The following UFSP2 variants were observed in gnomAD, a reference collection of about 807,000 sequenced individuals.
UFSP2 encodes ufm1-specific protease 2.
Under a neutral mutation model 60.2 loss-of-function variants are expected in UFSP2, and 43 were observed. The observed-to-expected ratio is 0.71, with a 90% CI of 0.56 to 0.92. UFSP2 has a LOEUF of 0.92. UFSP2 is among the 40% of genes least tolerant of loss of function. The pLI, the probability that UFSP2 is intolerant of heterozygous loss-of-function variation, is 0.00. For synonymous variants in UFSP2, 183 were observed against 195.1 expected (o/e 0.94, Z 0.52); for missense variants, 520 against 575.0 (o/e 0.90, Z 0.98).
rs976339233 is a variant in UFSP2, at chr4:185,399,868, T to C, written c.*524A>G. The C allele has an allele frequency of 7.7e-6, 12 of 1,559,868 alleles. No homozygotes were observed. The Middle Eastern group carries it at 5.1e-4, about 66-fold the overall frequency. ...CATTTAATACTGACACTCGTATTTCTAGTAGTATTGTTTCATTCTCATTAA... is the reference window on the plus strand; with the variant it reads ...CATTTAATACTGACACTCGTATTTCCAGTAGTATTGTTTCATTCTCATTAA... On this transcript the variant is annotated 3_prime_UTR_variant, in exon 12 of 12. Coordinates refer to ENST00000264689, the MANE Select transcript of UFSP2 (RefSeq NM_018359.5).
intron 7 of UFSP2, among the ~76,000 whole-genome samples, chr4:185,409,638 G>A (rs970308346): frequency 6.6e-6 from 1 of 152,166 alleles, no homozygotes; most frequent in Non-Finnish European, 1.5e-5. Context: ...CTGAAAAGTG[G>A]CTCCCAAAAG....
rs771618166 is a variant in UFSP2 at position 185,400,368 on chromosome 4, T to A, written c.*24A>T. ...TCACAAATTTATAATACCACTCTAC[T>A]GCAGTCTTTGACTCCAAGATATTTT... On this transcript the variant is annotated 3_prime_UTR_variant, in exon 12 of 12. Coordinates refer to ENST00000264689, the MANE Select transcript of UFSP2 (RefSeq NM_018359.5). The A allele has an allele frequency of 1.3e-6, 2 of 1,530,798 alleles. No individual in the cohort carries two copies. The highest frequency in any genetic ancestry group is 1.4e-5 in the African/African-American group (1 of 73,148). The allele number at this position is 1,530,798 out of a possible 1,614,324, so 94.8% of individuals were successfully genotyped here.
rs190949429 is a variant in UFSP2, at chr4:185,411,952, C to A, written c.831+1774G>T. On this transcript the variant is annotated intron_variant, in intron 7 of 11. Coordinates refer to ENST00000264689, the MANE Select transcript of UFSP2 (RefSeq NM_018359.5). The stretch of plus-strand genomic sequence containing the variant: ...TGCTGAGATTGATATGTAACATATA[C>A]GCTGAAACTACTTTTTAAAAAGGAA... Among the ~76,000 whole-genome samples the A allele has an allele frequency of 2.0e-5, 3 of 152,152 alleles. No homozygotes were observed. In the East Asian group the frequency reaches 5.8e-4, roughly 29 times the overall value.
intron 9 of UFSP2, among the ~76,000 whole-genome samples, chr4:185,406,751 T>G (rs902377916): frequency 6.6e-6 from 1 of 151,784 alleles, no homozygotes; most frequent in Non-Finnish European, 1.5e-5. Context: ...CATTTTTATA[T>G]TTTTAGTAGA....
intron 7 of UFSP2, 87 bp downstream of exon 7, chr4:185,413,639 G>A: frequency 9.6e-6 from 12 of 1,248,564 alleles, no homozygotes; most frequent in South Asian, 4.8e-5. Context: ...AATACATAAT[G>A]AATCAAGTCT....
Position 185,418,695 on chromosome 4 carries a change from A to C in UFSP2, c.158T>G (p.Phe53Cys). The change falls in exon 3 of 12, where the codon TTC becomes TGC. Residue 53 changes from phenylalanine to cysteine, a missense_variant. By Grantham distance (205) the Phe-to-Cys change is radical (BLOSUM62 -2). Coordinates refer to ENST00000264689, the MANE Select transcript of UFSP2 (RefSeq NM_018359.5). ...STKLSSNALV[F>C]RICHSSVYIW... is the part of the protein sequence containing the mutation. ...ATACACTGAACTGTGGCAAATTCTG[A>C]ACACAAGGGCGTTTGAAGACAGCTT... 6.2e-7 allele frequency: 1 copy of C among 1,614,028 alleles called. No individual in the cohort carries two copies. Among genetic ancestry groups the C allele is most frequent in the South Asian group, 1.1e-5 (1 of 91,046 alleles).
chr4:185,400,089 C>G lies in UFSP2; in HGVS notation c.*303G>C. ...CAAATCTATAAGCTCCTGCTTTTGG[C>G]TTTACCATATGTTGTGTCTAATCTC... On this transcript the variant is annotated 3_prime_UTR_variant, in exon 12 of 12. Transcript: ENST00000264689. 1.4e-6 allele frequency: 2 copies of G among 1,389,802 alleles called. No individual in the cohort carries two copies. The highest frequency in any genetic ancestry group is 2.0e-6 in the Non-Finnish European group (2 of 998,660). 86.1% of individuals were successfully genotyped at this position (1,389,802 alleles called of 1,614,324 possible). A position where few individuals can be genotyped will look rare whatever the true frequency, so the allele number is the denominator to read the frequency against.
chr4:185,407,955 A>G lies in UFSP2; in HGVS notation c.1102T>C (p.Ser368Pro). The change falls in exon 9 of 12, where the codon TCA becomes CCA. Residue 368 changes from serine (S) to proline (P), a missense_variant. Coordinates refer to ENST00000264689, the MANE Select transcript of UFSP2 (RefSeq NM_018359.5). ...LVLNQLIGITSKILFVSQGSE... is the reference protein window; with the variant it reads ...LVLNQLIGITPKILFVSQGSE... ...GCTTACCTGACAAACAGGATTTTTG[A>G]CGTTATACCGATCAATTGGTTTAGT... is the stretch of plus-strand genomic sequence containing the variant. 6.2e-7 allele frequency: 1 copy of G among 1,614,036 alleles called. No homozygotes were observed. Among genetic ancestry groups the G allele is most frequent in the Non-Finnish European group, 8.5e-7 (1 of 1,179,982 alleles).
At chr4:185,422,659 T>C in intron 1 of UFSP2, 96 bp from the exon 2 acceptor site, 1 of 793,086 alleles carries the variant, frequency 1.3e-6, no homozygotes, top group South Asian at 2.1e-5. Flanking sequence ...AAGACATTAA[T>C]TAACCTTGAT....
At position 185,400,283 on chromosome 4, in the gene UFSP2, T is replaced by TA. The variant is rs2095511753; in HGVS notation, c.*108dup. 1.1e-6 allele frequency: 1 copy of TA among 943,788 alleles called. No individual in the cohort carries two copies. The highest frequency in any genetic ancestry group is 1.6e-6 in the Non-Finnish European group (1 of 627,388). The allele number at this position is 943,788 out of a possible 1,614,324, so 58.5% of individuals were successfully genotyped here. A position where few individuals can be genotyped will look rare whatever the true frequency, so the allele number is the denominator to read the frequency against. On this transcript the variant is annotated 3_prime_UTR_variant, in exon 12 of 12. Transcript: ENST00000264689. ...TATTTACAACCTTTGAAAAAGGTCA[T>TA]AATTTAAATCGTCAAACTAGAACCA...
chr4:185,411,963 CT>C (rs2095530163), intron 7 of UFSP2, among the ~76,000 whole-genome samples: 1 of 152,084 alleles, frequency 6.6e-6, no homozygotes, highest in African/African-American at 2.4e-5. Flanking sequence ...GCTGAAACTA[CT>C]TTTTAAAAAG....
chr4:185,422,491 G>A lies in UFSP2; in HGVS notation c.76C>T (p.Pro26Ser), dbSNP rs2095551236. The A allele has an allele frequency of 6.2e-6, 10 of 1,609,070 alleles. No homozygotes were observed. Among genetic ancestry groups the A allele is most frequent in the Non-Finnish European group, 8.5e-6 (10 of 1,178,266 alleles). ...GLDLAFQLAT[P>S]NEIFLKKALK... ...AATTTTTCAGAAGACCTACCATTAG[G>A]AGTAGCTAGCTGAAAAGCCAAATCA... Residue 26 changes from proline (P) to serine (S), a missense_variant, in exon 2 of 12, where the codon CCT (proline) becomes TCT (serine). By Grantham distance (74) the Pro-to-Ser change is moderately conservative (BLOSUM62 -1). Coordinates refer to ENST00000264689, the MANE Select transcript of UFSP2 (RefSeq NM_018359.5).
Position 185,406,101 on chromosome 4 carries a change from G to C in UFSP2, c.1122-245C>G, listed in dbSNP as rs2126880275. 3 of 663,482 alleles carry C rather than the reference G, an allele frequency of 4.5e-6. No individual in the cohort carries two copies. In the South Asian group the frequency reaches 5.5e-5, roughly 12 times the overall value. 41.1% of individuals were successfully genotyped at this position (663,482 alleles called of 1,614,324 possible). A position where few individuals can be genotyped will look rare whatever the true frequency, so the allele number is the denominator to read the frequency against. On this transcript the variant is annotated intron_variant, in intron 9 of 11. Coordinates refer to ENST00000264689, the MANE Select transcript of UFSP2 (RefSeq NM_018359.5). ...AGACGCTAAAAGACCTTGATTTTCT[G>C]CTTCTTGAACTGTATAAAGGAGGCC... is the stretch of plus-strand genomic sequence containing the variant.
At chr4:185,405,633 T>G (rs960686552) in intron 10 of UFSP2, 147 bp downstream of exon 10, 4 of 799,094 alleles carry the variant, frequency 5.0e-6, no homozygotes, top group Non-Finnish European at 7.6e-6. Flanking sequence ...GAAATTTTTT[T>G]CAATATCCAG....
At position 185,403,562 on chromosome 4, in the gene UFSP2, G is replaced by T; in HGVS notation, c.1255C>A (p.Gln419Lys). The T allele has an allele frequency of 6.2e-7, 1 of 1,614,068 alleles. No individual in the cohort carries two copies. The highest frequency in any genetic ancestry group is 8.5e-7 in the Non-Finnish European group (1 of 1,180,002). Residue 419 changes from glutamine to lysine, a missense_variant, in exon 11 of 12, where the codon CAG becomes AAG. Physicochemically the swap from Gln to Lys is moderately conservative, Grantham distance 53. Transcript: ENST00000264689. ...GGATCTAGAATCAGAAACTTTATCT[G>T]CCCTGTAATCTCATTCCATGCAACT... ...LGVAWNEITG[Q>K]IKFLILDPHY...
At chr4:185,405,003 T>TC (rs1009758924) in intron 10 of UFSP2, among the ~76,000 whole-genome samples, 7 of 22,988 alleles carry the variant, frequency 3.0e-4, no homozygotes, top group Non-Finnish European at 1.2e-3. Context: ...CCTCCATTTC[T>TC]TTTTTTTTTT....
intron 7 of UFSP2, among the ~76,000 whole-genome samples, chr4:185,410,170 GAAAA>G: frequency 6.6e-6 from 1 of 151,830 alleles, no homozygotes; most frequent in East Asian, 1.9e-4. Flanking sequence ...AAGCAAAAAA[GAAAA>G]ATAAATTCTG....
At chr4:185,412,656 G>A (rs191926090) in intron 7 of UFSP2, among the ~76,000 whole-genome samples, 1 of 152,252 alleles carries the variant, frequency 6.6e-6, no homozygotes, top group African/African-American at 2.4e-5. Flanking sequence ...AAACAGTGAG[G>A]ATACAGAGGG....
At position 185,413,867 on chromosome 4, in the gene UFSP2, T is replaced by G. The variant is rs1047288227; in HGVS notation, c.690A>C (p.Leu230Phe). 6.2e-7 allele frequency: 1 copy of G among 1,600,416 alleles called. No individual in the cohort carries two copies. Among genetic ancestry groups the G allele is most frequent in the Non-Finnish European group, 8.5e-7 (1 of 1,175,802 alleles). Reference sequence around the variant, plus strand: ...CGTGAGGCAGATTGAAAAGATCATGTAACTCCTAAAATAAATCAGAATCAA... The same window carrying G: ...CGTGAGGCAGATTGAAAAGATCATGGAACTCCTAAAATAAATCAGAATCAA... ...DGQLQAYRKELHDLFNLPHDR... is the reference protein window; with the variant it reads ...DGQLQAYRKEFHDLFNLPHDR... Residue 230 changes from leucine to phenylalanine, a missense_variant, in exon 7 of 12, where the codon TTA becomes TTC. Transcript: ENST00000264689.
Sources: gnomAD v4.1 joint callset for allele counts (sites outside exome capture counted in the v4.1 genomes callset) on GRCh38, gnomAD v4.1.1 for gene constraint, MANE v1.5 for transcripts, NCBI Gene and HGNC (gene_info 2026-07-23, HGNC 2026-07-21) for gene names.